Variants in CALCR observed in about 807,000 individuals in gnomAD.
The protein encoded by CALCR is calcitonin receptor.
In CALCR, 47 loss-of-function variants were observed where a neutral mutation model predicts 59.5. That is an observed-to-expected ratio of 0.79 (90% CI 0.63 to 1.01). The LOEUF (loss-of-function observed/expected upper bound fraction) is 1.01. CALCR is among the 50% of genes least tolerant of loss of function. CALCR has a pLI of 0.00. For missense variants in CALCR, 566 were observed against 597.1 expected, an observed-to-expected ratio of 0.95 and a Z score of 0.54; for synonymous variants, 213 against 211.3, an observed-to-expected ratio of 1.01 and a Z score of -0.07.
chr7:93,430,426 G>C (rs2283001), intron 13 of CALCR, among the ~76,000 whole-genome samples: 17,381 of 152,134 alleles, frequency 0.11, 1,452 homozygotes, highest in East Asian at 0.46. Context: ...TATAATTTGA[G>C]TTGAGTACTT....
intron 2 of CALCR, among the ~76,000 whole-genome samples, chr7:93,492,695 T>C (rs1051443925): frequency 1.3e-5 from 2 of 151,394 alleles, no homozygotes; most frequent in Admixed American, 6.6e-5. Flanking sequence ...ATAAATGATA[T>C]AAGATGTGGC....
chr7:93,504,677 C>T (rs1350212973), intron 2 of CALCR, among the ~76,000 whole-genome samples: 4 of 152,060 alleles, frequency 2.6e-5, no homozygotes, highest in African/African-American at 4.8e-5. Flanking sequence ...CTAAGCAAAA[C>T]TGTATTTTTT....
intron 8 of CALCR, among the ~76,000 whole-genome samples, chr7:93,458,472 A>C (rs1276904032): frequency 6.6e-6 from 1 of 152,104 alleles, no homozygotes; most frequent in African/African-American, 2.4e-5. Context: ...TTCCAGATGC[A>C]CTTTCCATCC....
At position 93,435,936 on chromosome 7, in the gene CALCR, C is replaced by A. The variant is rs367895150; in HGVS notation, c.1149+16G>T. 14 of 1,493,142 alleles carry A rather than the reference C, an allele frequency of 9.4e-6. No individual in the cohort carries two copies. Among genetic ancestry groups the A allele is most frequent in the Non-Finnish European group, 1.2e-5 (13 of 1,070,234 alleles). 92.5% of individuals were successfully genotyped at this position (1,493,142 alleles called of 1,614,324 possible). A position where few individuals can be genotyped will look rare whatever the true frequency, so the allele number is the denominator to read the frequency against. On this transcript the variant is annotated intron_variant, in intron 12 of 13. Transcript: ENST00000426151. ...TAAGCACAGTAGTTGAATAAATACA[C>A]CTTTGGCTTCCTTACCTGGAAATGA...
chr7:93,510,777 G>T (rs1801529419), intron 2 of CALCR, among the ~76,000 whole-genome samples: 1 of 152,046 alleles, frequency 6.6e-6, no homozygotes, highest in Admixed American at 6.6e-5. Flanking sequence ...CGGGAGGATT[G>T]CTTGAGCCCA....
At chr7:93,560,580 T>C (rs1395844923) in intron 2 of CALCR, among the ~76,000 whole-genome samples, 1 of 152,140 alleles carries the variant, frequency 6.6e-6, no homozygotes, top group Non-Finnish European at 1.5e-5. Context: ...TTTGTTCTAA[T>C]ACAACTTTTA....
intron 3 of CALCR, among the ~76,000 whole-genome samples, chr7:93,481,274 T>G (rs1172007956): frequency 6.6e-6 from 1 of 151,800 alleles, no homozygotes; most frequent in East Asian, 2.0e-4. Flanking sequence ...GAAAGGAGAA[T>G]TTTTAGTAAA....
intron 2 of CALCR, among the ~76,000 whole-genome samples, chr7:93,558,675 A>G (rs1352620146): frequency 1.3e-5 from 2 of 152,056 alleles, no homozygotes; most frequent in Non-Finnish European, 2.9e-5. Flanking sequence ...ATAAATTTGG[A>G]ATATTGGAAA....
intron 8 of CALCR, among the ~76,000 whole-genome samples, chr7:93,454,756 C>T (rs10266738): frequency 0.062 from 9,428 of 151,844 alleles, 917 homozygotes; most frequent in African/African-American, 0.21. Context: ...TTGAGTTTAA[C>T]TTTTTTTAAA....
intron 2 of CALCR, among the ~76,000 whole-genome samples, chr7:93,568,509 T>TTCTCTCTCTCTCTCTCTCTCTCTC (rs4015269): frequency 5.9e-5 from 6 of 102,428 alleles, no homozygotes; most frequent in East Asian, 7.3e-4. Context: ...TAAAATTACT[T>TTCTCTCTCTCTCTCTCTCTCTCTC]TCTCTCTCTC....
At position 93,528,776 on chromosome 7, in the gene CALCR, T is replaced by C. The variant is rs118148641; in HGVS notation, c.-26-41769A>G. ...ATAATTTCCTAAAGTTGAAGTTCCA[T>C]AATACTAATATTCTATTTGACCACA... On this transcript the variant is annotated intron_variant, in intron 2 of 13. Coordinates refer to ENST00000426151, the MANE Select transcript of CALCR (RefSeq NM_001742.4). Among the ~76,000 whole-genome samples the C allele has an allele frequency of 5.4e-3, 824 of 152,328 alleles. 58 individuals are homozygous for C. In the East Asian group the frequency reaches 0.12, roughly 22 times the overall value.
At chr7:93,446,044 T>C (rs1339200328) in intron 8 of CALCR, among the ~76,000 whole-genome samples, 1 of 152,014 alleles carries the variant, frequency 6.6e-6, no homozygotes, top group East Asian at 1.9e-4. Context: ...TTTCTGGACA[T>C]TCTGTGAATG....
rs1158954452 is a variant in CALCR at position 93,438,222 on chromosome 7, T to A, written c.851A>T (p.Tyr284Phe). Residue 284 changes from tyrosine (Y) to phenylalanine (F), a missense_variant, in exon 10 of 14, where the codon TAC (tyrosine) becomes TTC (phenylalanine). Physicochemically the swap from Tyr to Phe is conservative, Grantham distance 22. Transcript: ENST00000426151. ...TTIHAITRAV[Y>F]FNDNCWLSVE... ...CCATAATACTTACTTGTCATTGAAG[T>A]ACACGGCCCTGGTAATAGCATGGAT... 1.2e-6 allele frequency: 2 copies of A among 1,613,372 alleles called. No individual in the cohort carries two copies. The highest frequency in any genetic ancestry group is 1.7e-6 in the Non-Finnish European group (2 of 1,179,316).
intron 2 of CALCR, among the ~76,000 whole-genome samples, chr7:93,563,812 G>T (rs1215157208): frequency 1.3e-5 from 2 of 152,098 alleles, no homozygotes; most frequent in African/African-American, 4.8e-5. Flanking sequence ...GACCTCCTTG[G>T]TTCATTTCCG....
chr7:93,477,134 C>T (rs1281831229), intron 5 of CALCR, among the ~76,000 whole-genome samples: 1 of 151,880 alleles, frequency 6.6e-6, no homozygotes, highest in Non-Finnish European at 1.5e-5. Context: ...GCTCACTTTA[C>T]TCTTGGGAAC....
At chr7:93,469,468 T>C (rs1368732146) in intron 6 of CALCR, among the ~76,000 whole-genome samples, 1 of 151,660 alleles carries the variant, frequency 6.6e-6, no homozygotes, top group Non-Finnish European at 1.5e-5. Context: ...TTCCTTATAA[T>C]GTAATTTTAT....
chr7:93,491,195 G>C (rs1020133325), intron 2 of CALCR, among the ~76,000 whole-genome samples: 5 of 152,042 alleles, frequency 3.3e-5, no homozygotes, highest in Non-Finnish European at 7.4e-5. Flanking sequence ...GGGAAAACTA[G>C]CTAGCCATAT....
chr7:93,565,377 T>G (rs1489357083), intron 2 of CALCR, among the ~76,000 whole-genome samples: 1 of 152,226 alleles, frequency 6.6e-6, no homozygotes, highest in Non-Finnish European at 1.5e-5. Context: ...AACTTCCAGT[T>G]TTGATATTTG....
chr7:93,481,341 C>T (rs903331748), intron 3 of CALCR, among the ~76,000 whole-genome samples: 4 of 151,588 alleles, frequency 2.6e-5, no homozygotes, highest in Admixed American at 2.0e-4. Context: ...GGGGTGGGGG[C>T]AGCCAGGAAG....
Sources: allele counts gnomAD v4.1 joint callset (sites outside exome capture counted in the v4.1 genomes callset), GRCh38; gene constraint gnomAD v4.1.1; transcripts MANE v1.5; gene names NCBI Gene and HGNC (gene_info 2026-07-23, HGNC 2026-07-21).